PKHD1: variants seen among roughly 807,000 people sequenced by gnomAD.
The protein encoded by PKHD1 is fibrocystin.
Under a neutral mutation model 412.0 loss-of-function variants are expected in PKHD1, and 291 were observed. The ratio of observed to expected loss-of-function variants is 0.71; its 90% CI spans 0.64 to 0.78. PKHD1 has a LOEUF of 0.78. Among genes scored for constraint, PKHD1 ranks in the 30% least tolerant of loss-of-function variants. The probability of loss-of-function intolerance (pLI) is 0.00; values close to 1 mark genes in which losing one functional copy is unlikely to be tolerated. For missense variants in PKHD1, 4,825 were observed against 4,950.7 expected (o/e 0.97, Z 0.76); for synonymous variants, 1,777 against 1,821.5 (o/e 0.98, Z 0.62).
intron 52 of PKHD1, among the ~76,000 whole-genome samples, chr6:51,799,262 T>C (rs1209577475): frequency 6.6e-6 from 1 of 152,146 alleles, no homozygotes; most frequent in Non-Finnish European, 1.5e-5. Flanking sequence ...ATTAGTCTTA[T>C]TTCTTTTGGT....
In PKHD1 at chr6:51,659,186, T is replaced by A. The variant is rs139442289; in HGVS notation, c.10940A>T (p.His3647Leu). The A allele has an allele frequency of 3.1e-6, 5 of 1,613,676 alleles. No homozygotes were observed. The highest frequency in any genetic ancestry group is 4.2e-6 in the Non-Finnish European group (5 of 1,179,846). Residue 3647 changes from histidine to leucine, a missense_variant, in exon 61 of 67, where the codon CAT (histidine) becomes CTT (leucine). Transcript: ENST00000371117. Reference protein sequence around the residue: ...RRPLMMEMNSHRASPPMTVET... With the variant: ...RRPLMMEMNSLRASPPMTVET... ...CACAGTCATTGGGGGTGAAGCCCTA[T>A]GTGAGTTCATTTCCATCATGAGAGG...
At chr6:52,042,795 T>C (rs900436961) in intron 27 of PKHD1, 64 bp downstream of exon 27, 40 of 1,432,028 alleles carry the variant, frequency 2.8e-5, no homozygotes, top group Non-Finnish European at 3.7e-5. Context: ...AAGGACTAGA[T>C]TCCTATCAGC....
chr6:52,011,106 T>TTA (rs1799762801), intron 34 of PKHD1, among the ~76,000 whole-genome samples: 1 of 152,208 alleles, frequency 6.6e-6, no homozygotes, highest in Admixed American at 6.5e-5. Flanking sequence ...TATGTGCCAG[T>TTA]TATACTACCA....
intron 60 of PKHD1, among the ~76,000 whole-genome samples, chr6:51,671,082 T>C (rs1774883511): frequency 6.6e-6 from 1 of 152,192 alleles, no homozygotes; most frequent in Non-Finnish European, 1.5e-5. Context: ...TTCCTGAATC[T>C]GAATGTTGGC....
intron 16 of PKHD1, among the ~76,000 whole-genome samples, chr6:52,058,081 T>C (rs1373461026): frequency 1.3e-5 from 2 of 152,232 alleles, no homozygotes; most frequent in Non-Finnish European, 2.9e-5. Flanking sequence ...AATAAGTTTC[T>C]AAAAGAAGAC....
At chr6:52,051,510 C>T (rs893873794) in intron 21 of PKHD1, among the ~76,000 whole-genome samples, 1 of 152,120 alleles carries the variant, frequency 6.6e-6, no homozygotes, top group Non-Finnish European at 1.5e-5. Flanking sequence ...GGAGGCAGAC[C>T]GTTTCATGTA....
At chr6:52,024,500 T>C in intron 32 of PKHD1, 74 bp downstream of exon 32, 1 of 1,399,094 alleles carries the variant, frequency 7.1e-7, no homozygotes, top group South Asian at 1.2e-5. Flanking sequence ...GTTAATTTTC[T>C]ACTTTCCAGA....
At chr6:51,921,263 G>A (rs530005203) in intron 37 of PKHD1, among the ~76,000 whole-genome samples, 3 of 152,242 alleles carry the variant, frequency 2.0e-5, no homozygotes, top group East Asian at 1.9e-4. Context: ...GGCAATTAGT[G>A]CGATAAATTA....
At chr6:51,953,811 A>G (rs1790729864) in intron 36 of PKHD1, among the ~76,000 whole-genome samples, 1 of 152,082 alleles carries the variant, frequency 6.6e-6, no homozygotes, top group African/African-American at 2.4e-5. Context: ...GTGAACTAAA[A>G]AACAGTTGAG....
chr6:52,003,172 G>A (rs1198237566), intron 35 of PKHD1, among the ~76,000 whole-genome samples: 2 of 152,076 alleles, frequency 1.3e-5, no homozygotes, highest in Non-Finnish European at 2.9e-5. Flanking sequence ...CTTCCTAAGG[G>A]AGATATGCAT....
intron 55 of PKHD1, among the ~76,000 whole-genome samples, chr6:51,764,189 T>C (rs1185728990): frequency 6.9e-6 from 1 of 144,074 alleles, no homozygotes; most frequent in Non-Finnish European, 1.5e-5. Context: ...ATATCCAGAA[T>C]CTACAATAAA....
At chr6:51,955,561 T>C (rs1283577171) in intron 36 of PKHD1, among the ~76,000 whole-genome samples, 1 of 152,078 alleles carries the variant, frequency 6.6e-6, no homozygotes, top group Non-Finnish European at 1.5e-5. Context: ...GGTTTTCCTG[T>C]TGTACGAGCC....
intron 52 of PKHD1, among the ~76,000 whole-genome samples, chr6:51,797,390 T>C (rs1406391377): frequency 2.6e-5 from 4 of 152,164 alleles, no homozygotes; most frequent in Admixed American, 2.6e-4. Flanking sequence ...TCTAATATTG[T>C]CAGTGGGGTG....
chr6:51,699,920 A>AGTGTGTTTGTGTGTGTGT (rs57760395), intron 60 of PKHD1, among the ~76,000 whole-genome samples: 3 of 137,904 alleles, frequency 2.2e-5, no homozygotes, highest in Non-Finnish European at 1.6e-5. Context: ...ATATATATGG[A>AGTGTGTTTGTGTGTGTGT]GTGTGTGTGT....
rs35403035 is a variant in PKHD1, at chr6:51,619,470, A to C, written c.11836T>G (p.Leu3946Val). The C allele has an allele frequency of 1.9e-6, 3 of 1,614,068 alleles. No individual in the cohort carries two copies. The highest frequency in any genetic ancestry group is 1.1e-5 in the South Asian group (1 of 91,060). ...LGKVNQCPHQ[L>V]MNGVSRRKVS... ...TTCCTTCTGGACACTCCATTCATCA[A>C]CTGGTGGGGGCACTGGTTCACCTTG... The change falls in exon 67 of 67, where the codon TTG (leucine) becomes GTG (valine). Residue 3946 changes from leucine to valine, a missense_variant. By Grantham distance (32) the Leu-to-Val change is conservative. Transcript: ENST00000371117.
chr6:51,733,993 A>G (rs756175186), intron 60 of PKHD1, among the ~76,000 whole-genome samples: 2 of 152,214 alleles, frequency 1.3e-5, no homozygotes, highest in African/African-American at 2.4e-5. Context: ...AGGCACTACA[A>G]TCTTGTCATT....
Position 51,792,738 on chromosome 6 carries a change from TG to T in PKHD1, c.8303-1366del, listed in dbSNP as rs1793951985. Among the ~76,000 whole-genome samples, 2 of 152,224 alleles carry T rather than the reference TG, an allele frequency of 1.3e-5. 1 individual carries two copies. The highest frequency in any genetic ancestry group is 4.1e-4 in the South Asian group (2 of 4,832). Reference sequence around the variant, plus strand: ...ATGTAGAGCAGTGGTTCTCAAAGTATGGTCCTATCCCATCAGGATGCAAAGC... The same window carrying T: ...ATGTAGAGCAGTGGTTCTCAAAGTATGTCCTATCCCATCAGGATGCAAAGC... On this transcript the variant is annotated intron_variant, in intron 52 of 66. Coordinates refer to ENST00000371117, the MANE Select transcript of PKHD1 (RefSeq NM_138694.4).
intron 35 of PKHD1, among the ~76,000 whole-genome samples, chr6:51,997,656 C>G (rs904363934): frequency 6.6e-6 from 1 of 152,202 alleles, no homozygotes; most frequent in East Asian, 1.9e-4. Flanking sequence ...CCAGAAACTT[C>G]CACTGTTTGC....
chr6:51,903,861 T>TATATATATATA lies in PKHD1; in HGVS notation c.6865+124_6865+125insTATATATATAT, dbSNP rs1781672753. Reference sequence around the variant, plus strand: ...TATATATATATATATATATATATATTTAGAAAATATTTAGTATGCACAATA... The same window carrying TATATATATATA: ...TATATATATATATATATATATATATTATATATATATATAGAAAATATTTAGTATGCACAATA... On this transcript the variant is annotated intron_variant, in intron 42 of 66. Transcript: ENST00000371117. The TATATATATATA allele has an allele frequency of 4.9e-5, 18 of 363,908 alleles. No individual in the cohort carries two copies. The African/African-American group carries it at 5.6e-4, about 11-fold the overall frequency. 22.5% of individuals were successfully genotyped at this position (363,908 alleles called of 1,614,324 possible).
Sources: gnomAD v4.1 joint callset for allele counts (sites outside exome capture counted in the v4.1 genomes callset) on GRCh38, gnomAD v4.1.1 for gene constraint, MANE v1.5 for transcripts, NCBI Gene and HGNC (gene_info 2026-07-23, HGNC 2026-07-21) for gene names.